ZC3H18: variants seen among roughly 807,000 people sequenced by gnomAD.
ZC3H18 encodes the protein zinc finger CCCH-type containing 18.
A neutral mutation model predicts 106.1 loss-of-function variants in ZC3H18; 8 were observed. The observed-to-expected ratio is 0.08, with a 90% CI of 0.04 to 0.14. The LOEUF (loss-of-function observed/expected upper bound fraction) is 0.14. Among genes scored for constraint, ZC3H18 ranks in the 10% least tolerant of loss-of-function variants. ZC3H18 has a pLI of 1.00. For synonymous variants in ZC3H18, 635 were observed against 522.1 expected (o/e 1.22, Z -2.95); for missense variants, 1,318 against 1,278.4 (o/e 1.03, Z -0.47).
chr16:88,628,330 C>CCT (rs763386812), intron 15 of ZC3H18, among the ~76,000 whole-genome samples: 113 of 152,128 alleles, frequency 7.4e-4, no homozygotes, highest in Admixed American at 1.3e-3. Flanking sequence ...GTGCTGCTGG[C>CCT]CTCTCTCTGA....
chr16:88,583,708 T>TG (rs562880544), intron 2 of ZC3H18, among the ~76,000 whole-genome samples: 207 of 152,312 alleles, frequency 1.4e-3, no homozygotes, highest in Middle Eastern at 0.01. Context: ...CGGCTTCAGA[T>TG]GGGTGCACTG....
At chr16:88,581,198 C>T (rs1047663182) in intron 2 of ZC3H18, among the ~76,000 whole-genome samples, 1 of 152,194 alleles carries the variant, frequency 6.6e-6, no homozygotes, top group Non-Finnish European at 1.5e-5. Flanking sequence ...GATGGGGTCT[C>T]ACTATGTTGC....
intron 6 of ZC3H18, among the ~76,000 whole-genome samples, chr16:88,603,621 C>T (rs1205721333): frequency 9.5e-6 from 1 of 105,496 alleles, no homozygotes; most frequent in Non-Finnish European, 1.9e-5. Context: ...GAGACTCCGT[C>T]TCTTTTTTTT....
intron 11 of ZC3H18, 163 bp downstream of exon 11, chr16:88,624,225 G>A: frequency 2.1e-6 from 2 of 958,308 alleles, no homozygotes; most frequent in Non-Finnish European, 3.0e-6. Flanking sequence ...ACTGGGCACA[G>A]CTCCTGTTCT....
chr16:88,596,951 C>T (rs1247513024), intron 3 of ZC3H18, among the ~76,000 whole-genome samples: 1 of 152,190 alleles, frequency 6.6e-6, no homozygotes, highest in African/African-American at 2.4e-5. Flanking sequence ...GAGAGAGACT[C>T]GCTCTGTTGC....
rs1253777797 is a variant in ZC3H18 at position 88,624,637 on chromosome 16, C to T, written c.1934C>T (p.Ala645Val). 6.2e-7 allele frequency: 1 copy of T among 1,613,882 alleles called. No individual in the cohort carries two copies. Among genetic ancestry groups the T allele is most frequent in the African/African-American group, 1.3e-5 (1 of 74,914 alleles). Residue 645 changes from alanine to valine, a missense_variant, in exon 12 of 18, where the codon GCC becomes GTC. Physicochemically the swap from Ala to Val is moderately conservative, Grantham distance 64 (BLOSUM62 0). Transcript: ENST00000301011. ...KSVKKPAPPPAPPQATKTTAP... is the reference protein window; with the variant it reads ...KSVKKPAPPPVPPQATKTTAP... ...GTGAAGAAGCCGGCCCCGCCTCCAG[C>T]CCCACCACAGGCCACCAAAACCACT... is the stretch of plus-strand genomic sequence containing the variant.
At chr16:88,622,924 AC>A in intron 9 of ZC3H18, 1 of 439,986 alleles carries the variant, frequency 2.3e-6, no homozygotes. Context: ...ACACGGACCC[AC>A]GTGAGCTGGG....
intron 10 of ZC3H18, chr16:88,623,710 C>T (rs1019449548): frequency 9.7e-6 from 6 of 620,240 alleles, no homozygotes; most frequent in Non-Finnish European, 1.6e-5. Context: ...CTGTCCTGCA[C>T]ACACATGAAC....
At chr16:88,614,543 A>G (rs1905462403) in intron 8 of ZC3H18, among the ~76,000 whole-genome samples, 1 of 152,220 alleles carries the variant, frequency 6.6e-6, no homozygotes, top group Non-Finnish European at 1.5e-5. Flanking sequence ...TTCATTCTCC[A>G]GCTCACAGTG....
chr16:88,587,662 A>G (rs1405577459), intron 3 of ZC3H18: 3 of 1,480,256 alleles, frequency 2.0e-6, no homozygotes, highest in South Asian at 2.4e-5. Context: ...AAGTCCCCCT[A>G]CTCCAGAGGC....
In ZC3H18 at chr16:88,598,797, G is replaced by C; in HGVS notation, c.930+85G>C. The C allele has an allele frequency of 2.4e-6, 3 of 1,255,352 alleles. No individual in the cohort carries two copies. The East Asian group carries it at 7.7e-5, about 32-fold the overall frequency. 77.8% of individuals were successfully genotyped at this position (1,255,352 alleles called of 1,614,324 possible). On this transcript the variant is annotated intron_variant, in intron 5 of 17. Coordinates refer to ENST00000301011, the MANE Select transcript of ZC3H18 (RefSeq NM_144604.4). ...ACAAAACTGGGATTTCCTCGGTCCA[G>C]AGAGAGCCCCAGAAATCTCTGAAGT...
In ZC3H18 at chr16:88,570,505, GTCT is replaced by G. The variant is rs1914319011; in HGVS notation, c.-72_-70del. 6.6e-6 allele frequency: 1 copy of G among 152,044 alleles called. No individual in the cohort carries two copies. Among genetic ancestry groups the G allele is most frequent in the East Asian group, 1.9e-4 (1 of 5,192 alleles). The allele number at this position is 152,044 out of a possible 1,614,324, so 9.4% of individuals were successfully genotyped here. On this transcript the variant is annotated 5_prime_UTR_variant, in exon 1 of 18. Transcript: ENST00000301011. ...GTGAAGAGCGGAAGGGCCAAGGGACGTCTTCTCCACGCCGCTCCGACTCCAGGG... is the reference window on the plus strand; with the variant it reads ...GTGAAGAGCGGAAGGGCCAAGGGACGTCTCCACGCCGCTCCGACTCCAGGG...
intron 6 of ZC3H18, among the ~76,000 whole-genome samples, chr16:88,603,256 G>T (rs145547078): frequency 6.6e-6 from 1 of 151,314 alleles, no homozygotes; most frequent in Non-Finnish European, 1.5e-5. Context: ...GTGAGCCACC[G>T]CACCTGGCCT....
intron 8 of ZC3H18, among the ~76,000 whole-genome samples, chr16:88,620,185 G>A (rs1231048510): frequency 1.3e-5 from 2 of 152,266 alleles, no homozygotes; most frequent in Non-Finnish European, 2.9e-5. Flanking sequence ...GTGGTTTCAT[G>A]TGTTGTCGTG....
rs1239117355 is a variant in ZC3H18 at position 88,580,192 on chromosome 16, GTGTGTGTGTGTGTGTGTATATGTA to G, written c.603+2468_603+2491del. Among the ~76,000 whole-genome samples the G allele has an allele frequency of 5.3e-4, 44 of 83,648 alleles. No homozygotes were observed. In the East Asian group the frequency reaches 0.014, roughly 26 times the overall value. The allele number at this position is 83,648 out of a possible 152,430, so 54.9% of individuals were successfully genotyped here. A position where few individuals can be genotyped will look rare whatever the true frequency, so the allele number is the denominator to read the frequency against. ...TGTGTGTGTGTGTGTGTGTGTGTGT[GTGTGTGTGTGTGTGTGTATATGTA>G]TATGTCTCTGCCTGCTGCTTCCCCT... On this transcript the variant is annotated intron_variant, in intron 2 of 17. Coordinates refer to ENST00000301011, the MANE Select transcript of ZC3H18 (RefSeq NM_144604.4).
chr16:88,622,570 C>G, intron 9 of ZC3H18, 182 bp downstream of exon 9: 1 of 667,626 alleles, frequency 1.5e-6, no homozygotes, highest in Non-Finnish European at 2.4e-6. Context: ...GCATCAATGC[C>G]AAGTAGGACT....
At chr16:88,628,552 G>C (rs1906460972) in intron 15 of ZC3H18, 4 of 590,282 alleles carry the variant, frequency 6.8e-6, no homozygotes, top group Non-Finnish European at 9.1e-6. Context: ...GCTTCCCCTG[G>C]AACGTGAAGG....
intron 2 of ZC3H18, among the ~76,000 whole-genome samples, chr16:88,584,280 G>A (rs956473361): frequency 3.3e-5 from 5 of 152,208 alleles, no homozygotes; most frequent in Admixed American, 3.3e-4. Flanking sequence ...AAATTAGCCA[G>A]GCGTGATGTC....
rs1906074422 is a variant in ZC3H18 at position 88,623,148 on chromosome 16, T to C, written c.1668-71T>C. 4 of 1,564,852 alleles carry C rather than the reference T, an allele frequency of 2.6e-6. No individual in the cohort carries two copies. In the East Asian group the frequency reaches 9.3e-5, roughly 36 times the overall value. On this transcript the variant is annotated intron_variant, in intron 9 of 17. Coordinates refer to ENST00000301011, the MANE Select transcript of ZC3H18 (RefSeq NM_144604.4). ...GTCTGTGGGTGTGTAGCTGTGCATG[T>C]GTGCGTCAGGGCGTGTGGGGCAGGG...
Sources: allele counts gnomAD v4.1 joint callset (sites outside exome capture counted in the v4.1 genomes callset), GRCh38; gene constraint gnomAD v4.1.1; transcripts MANE v1.5; gene names NCBI Gene and HGNC (gene_info 2026-07-23, HGNC 2026-07-21).